SLC1A2: variants seen among roughly 807,000 people sequenced by gnomAD.
SLC1A2 encodes solute carrier family 1 member 2, also known as excitatory amino acid transporter 2.
In SLC1A2, 15 loss-of-function variants were observed where a neutral mutation model predicts 48.8. The observed-to-expected ratio is 0.31, with a 90% CI of 0.21 to 0.47. The LOEUF (loss-of-function observed/expected upper bound fraction) is 0.47. Among genes scored for constraint, SLC1A2 ranks in the 20% least tolerant of loss-of-function variants. The pLI, the probability that SLC1A2 is intolerant of heterozygous loss-of-function variation, is 0.99. For synonymous variants in SLC1A2, 279 were observed against 272.6 expected, an observed-to-expected ratio of 1.02 and a Z score of -0.23; for missense variants, 502 against 730.5, an observed-to-expected ratio of 0.69 and a Z score of 3.61.
intron 1 of SLC1A2, among the ~76,000 whole-genome samples, chr11:35,393,550 C>CT (rs1251929577): frequency 2.6e-5 from 4 of 152,186 alleles, no homozygotes; most frequent in Non-Finnish European, 5.9e-5. Context: ...TCACTTCTTT[C>CT]CACTGCCTAT....
intron 9 of SLC1A2, among the ~76,000 whole-genome samples, chr11:35,268,582 T>G (rs753517579): frequency 2.6e-5 from 4 of 151,396 alleles, no homozygotes; most frequent in Non-Finnish European, 5.9e-5. Context: ...GGAGAATCAC[T>G]TGAACTGGGG....
At chr11:35,417,549 G>T (rs1334377339) in intron 1 of SLC1A2, among the ~76,000 whole-genome samples, 1 of 152,126 alleles carries the variant, frequency 6.6e-6, no homozygotes, top group African/African-American at 2.4e-5. Flanking sequence ...ATCCATATGG[G>T]CTCCTAGTAT....
At chr11:35,286,651 G>T in intron 8 of SLC1A2, 106 bp downstream of exon 8, 1 of 765,078 alleles carries the variant, frequency 1.3e-6, no homozygotes, top group Non-Finnish European at 2.0e-6. Context: ...TACCTTCATT[G>T]TCTTCCACCA....
At chr11:35,402,221 A>T (rs556529616) in intron 1 of SLC1A2, among the ~76,000 whole-genome samples, 1 of 152,314 alleles carries the variant, frequency 6.6e-6, no homozygotes, top group Admixed American at 6.5e-5. Context: ...GGGACTGCTC[A>T]CCAGAAAGAC....
At position 35,280,964 on chromosome 11, in the gene SLC1A2, T is replaced by C; in HGVS notation, c.1324A>G (p.Ile442Val). The C allele has an allele frequency of 5.0e-6, 8 of 1,611,872 alleles. No individual in the cohort carries two copies. The highest frequency in any genetic ancestry group is 6.8e-6 in the Non-Finnish European group (8 of 1,179,236). ...ATLASVGAAS[I>V]PSAGLVTMLL... ...ATGGTGACCAGCCCGGCACTGGGGATACTGGCCGCGCCGACGCTTGCCAGG... is the reference window on the plus strand; with the variant it reads ...ATGGTGACCAGCCCGGCACTGGGGACACTGGCCGCGCCGACGCTTGCCAGG... The change falls in exon 9 of 11, where the codon ATC (isoleucine) becomes GTC (valine). Residue 442 changes from isoleucine to valine, a missense_variant. Physicochemically the swap from Ile to Val is conservative, Grantham distance 29. Coordinates refer to ENST00000278379, the MANE Select transcript of SLC1A2 (RefSeq NM_004171.4).
intron 3 of SLC1A2, among the ~76,000 whole-genome samples, chr11:35,314,812 G>T (rs1156909865): frequency 6.7e-6 from 1 of 148,548 alleles, no homozygotes; most frequent in Non-Finnish European, 1.5e-5. Flanking sequence ...TTTTTTGCTG[G>T]AGAGAAAGAC....
intron 1 of SLC1A2, among the ~76,000 whole-genome samples, chr11:35,384,297 T>C (rs188033513): frequency 0.012 from 1,753 of 152,328 alleles, 17 homozygotes; most frequent in Non-Finnish European, 0.015. Context: ...ATTATATAAA[T>C]ATTTTAACTG....
chr11:35,330,016 A>T (rs192916681), intron 1 of SLC1A2, among the ~76,000 whole-genome samples: 1 of 152,366 alleles, frequency 6.6e-6, no homozygotes, highest in East Asian at 1.9e-4. Context: ...CATTTGCTCC[A>T]AGTCAGGCAG....
At chr11:35,308,562 C>G (rs2134844236) in intron 4 of SLC1A2, among the ~76,000 whole-genome samples, 1 of 152,280 alleles carries the variant, frequency 6.6e-6, no homozygotes, top group East Asian at 1.9e-4. Flanking sequence ...AGCCTTCTTG[C>G]TGCATCATTA....
Position 35,306,209 on chromosome 11 carries a change from G to A in SLC1A2, c.595C>T (p.Pro199Ser). The change falls in exon 5 of 11, where the codon CCA becomes TCA. Residue 199 changes from proline to serine, a missense_variant. By Grantham distance (74) the Pro-to-Ser change is moderately conservative. Around this residue, in one of 4 missense-constraint regions of SLC1A2, gnomAD observed 309 missense variants for 480.3 expected, o/e 0.64. Transcript: ENST00000278379. ...QTVTKKVLVA[P>S]PPDEEANATS... ...GCGTTGGCCTCCTCGTCCGGCGGTGGTGCAACCAGGACTTTCTTCGTCACT... is the reference window on the plus strand; with the variant it reads ...GCGTTGGCCTCCTCGTCCGGCGGTGATGCAACCAGGACTTTCTTCGTCACT... The A allele has an allele frequency of 2.5e-6, 4 of 1,613,896 alleles. No homozygotes were observed. The highest frequency in any genetic ancestry group is 1.1e-5 in the South Asian group (1 of 91,068).
chr11:35,354,193 T>C (rs1019222114), intron 1 of SLC1A2, among the ~76,000 whole-genome samples: 2 of 152,172 alleles, frequency 1.3e-5, no homozygotes, highest in Non-Finnish European at 2.9e-5. Flanking sequence ...GGCTCCTGTC[T>C]GTAATCCCAG....
At chr11:35,268,026 C>T (rs1850151541) in intron 9 of SLC1A2, among the ~76,000 whole-genome samples, 1 of 152,154 alleles carries the variant, frequency 6.6e-6, no homozygotes, top group Non-Finnish European at 1.5e-5. Flanking sequence ...TCTGCATTTC[C>T]CCTTTAAATA....
rs1950346585 is a variant in SLC1A2, at chr11:35,258,621, C to T, written c.*2273G>A. On this transcript the variant is annotated 3_prime_UTR_variant, in exon 11 of 11. Coordinates refer to ENST00000278379, the MANE Select transcript of SLC1A2 (RefSeq NM_004171.4). The stretch of plus-strand genomic sequence containing the variant: ...TCACAGCTAAACCCAGGAACTGTCT[C>T]CTTAACCTATAACATTTGCTGTAAA... 6.6e-6 allele frequency: 1 copy of T among 152,592 alleles called. No homozygotes were observed. Among genetic ancestry groups the T allele is most frequent in the African/African-American group, 2.4e-5 (1 of 41,456 alleles). 9.5% of individuals were successfully genotyped at this position (152,592 alleles called of 1,614,324 possible).
intron 9 of SLC1A2, among the ~76,000 whole-genome samples, chr11:35,277,412 TAGGGCACCTTA>T (rs138110352): frequency 0.011 from 1,683 of 152,314 alleles, 34 homozygotes; most frequent in African/African-American, 0.038. Flanking sequence ...AAATACAGCA[TAGGGCACCTTA>T]AGGATTAAAT....
intron 10 of SLC1A2, chr11:35,261,852 C>A: frequency 2.5e-6 from 1 of 397,104 alleles, no homozygotes. Flanking sequence ...ATCATGACCA[C>A]ATACAACATG....
chr11:35,270,301 C>T (rs948061436), intron 9 of SLC1A2, among the ~76,000 whole-genome samples: 4 of 152,150 alleles, frequency 2.6e-5, no homozygotes, highest in African/African-American at 9.7e-5. Context: ...TAATCCCAAC[C>T]TCACAGGAGG....
At position 35,366,705 on chromosome 11, in the gene SLC1A2, C is replaced by T. The variant is rs536592469; in HGVS notation, c.18-49189G>A. On this transcript the variant is annotated intron_variant, in intron 1 of 10. Transcript: ENST00000278379. ...TTGAAGCCGTGTTGTAAAATCTGCT[C>T]CTAGGAACCCAAACCAACACAAAAC... 2.0e-4 allele frequency among the ~76,000 whole-genome samples: 30 copies of T among 152,136 alleles called. 1 individual carries two copies. Among genetic ancestry groups the T allele is most frequent in the Non-Finnish European group, 4.1e-4 (28 of 68,040 alleles).
chr11:35,361,370 A>C (rs1381876814), intron 1 of SLC1A2, among the ~76,000 whole-genome samples: 2 of 152,224 alleles, frequency 1.3e-5, no homozygotes, highest in Non-Finnish European at 2.9e-5. Flanking sequence ...TATTTTTCTT[A>C]TGTAAGAACT....
At chr11:35,379,618 G>A (rs1308024892) in intron 1 of SLC1A2, among the ~76,000 whole-genome samples, 3 of 152,150 alleles carry the variant, frequency 2.0e-5, no homozygotes, top group South Asian at 2.1e-4. Context: ...ACATTTGATC[G>A]CCTTTCCCAG....
Sources: allele counts gnomAD v4.1 joint callset (sites outside exome capture counted in the v4.1 genomes callset), GRCh38; gene constraint gnomAD v4.1.1; regional missense constraint gnomAD v4.1.1; transcripts MANE v1.5; gene names NCBI Gene and HGNC (gene_info 2026-07-23, HGNC 2026-07-21).